CLTC: variants seen among roughly 807,000 people sequenced by gnomAD.
The protein encoded by CLTC is clathrin heavy chain, also known as clathrin heavy chain 1.
A neutral mutation model predicts 195.8 loss-of-function variants in CLTC; 16 were observed. The ratio of observed to expected loss-of-function variants is 0.08; its 90% CI spans 0.06 to 0.12. The LOEUF (loss-of-function observed/expected upper bound fraction) is 0.12, where lower values mean the gene tolerates loss of function less well. Among genes scored for constraint, CLTC ranks in the 10% least tolerant of loss-of-function variants. CLTC has a pLI of 1.00. For synonymous variants in CLTC, 667 were observed against 689.4 expected, an observed-to-expected ratio of 0.97 and a Z score of 0.51; for missense variants, 796 against 2,027.0, an observed-to-expected ratio of 0.39 and a Z score of 11.66.
chr17:59,629,523 T>TTC (rs1165204483), intron 1 of CLTC, among the ~76,000 whole-genome samples: 1 of 148,406 alleles, frequency 6.7e-6, no homozygotes, highest in East Asian at 2.0e-4. Flanking sequence ...TCATAATTTT[T>TTC]TTTTTTTTTT....
chr17:59,621,922 TTA>T (rs1567920317), intron 1 of CLTC, among the ~76,000 whole-genome samples: 1 of 152,194 alleles, frequency 6.6e-6, no homozygotes, highest in Non-Finnish European at 1.5e-5. Flanking sequence ...AGACAAATGT[TTA>T]TAAACCACAC....
Position 59,682,886 on chromosome 17 carries a change from G to C in CLTC, c.3766-21G>C, listed in dbSNP as rs928302059. ...GCCATGTTTTACATTTGAGTTCACA[G>C]AAAGGAAATGTTTATTCTAGGTCTG... On this transcript the variant is annotated intron_variant, in intron 23 of 31. Coordinates refer to ENST00000269122, the MANE Select transcript of CLTC (RefSeq NM_004859.4). This position sits in a 1 kb window ranked among gnomAD's most constrained non-coding sequence, Gnocchi z 6.8. 6.2e-7 allele frequency: 1 copy of C among 1,613,132 alleles called. No homozygotes were observed. Among genetic ancestry groups the C allele is most frequent in the Non-Finnish European group, 8.5e-7 (1 of 1,179,456 alleles).
chr17:59,686,340 T>C (rs1180207739), intron 30 of CLTC, among the ~76,000 whole-genome samples: 1 of 151,068 alleles, frequency 6.6e-6, no homozygotes, highest in Non-Finnish European at 1.5e-5. Context: ...CTTATAACAT[T>C]CACTATTCGT....
intron 30 of CLTC, chr17:59,689,283 T>G (rs2143610712): frequency 6.6e-6 from 1 of 152,242 alleles, no homozygotes; most frequent in Middle Eastern, 3.4e-3. Context: ...ATGAAACAAT[T>G]AAATATAAAA....
At position 59,651,238 on chromosome 17, in the gene CLTC, G is replaced by C. The variant is rs1429307761; in HGVS notation, c.717G>C (p.Gly239=). Residue 239 remains glycine (G), a synonymous_variant, in exon 5 of 32, where the codon GGG becomes GGC. Transcript: ENST00000269122. ...TTGAAGTTGGCACACCACCTACAGG[G>C]AACCAGCCCTTTCCAAAGAAGGCAG... ...HIIEVGTPPT[G]NQPFPKKAVD... 6.2e-7 allele frequency: 1 copy of C among 1,613,750 alleles called. No individual in the cohort carries two copies. The highest frequency in any genetic ancestry group is 1.1e-5 in the South Asian group (1 of 91,030).
intron 1 of CLTC, among the ~76,000 whole-genome samples, chr17:59,632,471 CTTA>C (rs1272271203): frequency 6.6e-6 from 1 of 151,014 alleles, no homozygotes; most frequent in Non-Finnish European, 1.5e-5. Flanking sequence ...ATTAAAAGGG[CTTA>C]GTGTTTGGAA....
intron 5 of CLTC, among the ~76,000 whole-genome samples, chr17:59,651,910 C>T (rs533167114): frequency 1.3e-5 from 2 of 152,226 alleles, no homozygotes; most frequent in South Asian, 4.1e-4. Flanking sequence ...AGCATTTTAC[C>T]CACAGTAGAT....
intron 9 of CLTC, among the ~76,000 whole-genome samples, chr17:59,664,482 C>A (rs2032679153): frequency 1.4e-5 from 2 of 145,282 alleles, no homozygotes; most frequent in Admixed American, 7.2e-5. Context: ...GCCCAGGGGG[C>A]AGAGGTTTCA....
chr17:59,620,958 A>G (rs1030812421), intron 1 of CLTC, among the ~76,000 whole-genome samples: 1 of 152,118 alleles, frequency 6.6e-6, no homozygotes, highest in Admixed American at 6.5e-5. Context: ...AGAGTGATAC[A>G]GAGGTTATCT....
At chr17:59,640,991 C>T (rs563455856) in intron 1 of CLTC, among the ~76,000 whole-genome samples, 3 of 151,450 alleles carry the variant, frequency 2.0e-5, no homozygotes, top group Non-Finnish European at 2.9e-5. Context: ...TGGTGGTGCA[C>T]GCCTGTAGTC....
At chr17:59,629,116 A>C (rs2031635614) in intron 1 of CLTC, among the ~76,000 whole-genome samples, 1 of 152,220 alleles carries the variant, frequency 6.6e-6, no homozygotes, top group Admixed American at 6.5e-5. Context: ...AAGATGAATA[A>C]TAAGGGGGAA....
At chr17:59,692,372 T>G (rs1018116872) in intron 31 of CLTC, among the ~76,000 whole-genome samples, 2 of 152,256 alleles carry the variant, frequency 1.3e-5, no homozygotes, top group Non-Finnish European at 1.5e-5. Context: ...CAGCTTTGGT[T>G]GTTAACCACA....
intron 10 of CLTC, 113 bp from the exon 11 acceptor site, chr17:59,665,986 TTAAG>T (rs2032722164): frequency 2.9e-6 from 2 of 689,082 alleles, no homozygotes; most frequent in East Asian, 5.3e-5. Flanking sequence ...AAATTTGTTC[TTAAG>T]TGTTTATATT....
chr17:59,637,986 T>TAA (rs145090759), intron 1 of CLTC, among the ~76,000 whole-genome samples: 1,337 of 132,536 alleles, frequency 0.01, 37 homozygotes, highest in Non-Finnish European at 0.013. Flanking sequence ...AAAACAAACT[T>TAA]TAAAAAAAAA....
At position 59,661,562 on chromosome 17, in the gene CLTC, A is replaced by G; in HGVS notation, c.1287A>G (p.Lys429=). The change falls in exon 8 of 32, where the codon AAA becomes AAG. Residue 429 remains lysine, a synonymous_variant. Transcript: ENST00000269122. Reference sequence around the variant, plus strand: ...TTTTGGACCAGGGACAGCTCAACAAATACGAATCCTTAGAGCTTTGTAGGC... The same window carrying G: ...TTTTGGACCAGGGACAGCTCAACAAGTACGAATCCTTAGAGCTTTGTAGGC... ...GILLDQGQLN[K]YESLELCRPV... 1 of 1,614,166 alleles carries G rather than the reference A, an allele frequency of 6.2e-7. No homozygotes were observed. The highest frequency in any genetic ancestry group is 8.5e-7 in the Non-Finnish European group (1 of 1,180,014).
intron 1 of CLTC, among the ~76,000 whole-genome samples, chr17:59,641,174 T>C (rs1177764020): frequency 6.6e-6 from 1 of 152,000 alleles, no homozygotes; most frequent in Non-Finnish European, 1.5e-5. Flanking sequence ...TGCTGGTGTT[T>C]TAACTCAAAC....
At position 59,685,887 on chromosome 17, in the gene CLTC, C is replaced by T; in HGVS notation, c.4827+79C>T. On this transcript the variant is annotated intron_variant, in intron 30 of 31. Transcript: ENST00000269122. This position sits in a 1 kb window ranked among gnomAD's most constrained non-coding sequence, Gnocchi z 5.0. Reference sequence around the variant, plus strand: ...ACATGCACATTAATTTTTTTAAATGCTTTTTTCTTTAGTAGAAGTAAGTCA... The same window carrying T: ...ACATGCACATTAATTTTTTTAAATGTTTTTTTCTTTAGTAGAAGTAAGTCA... 2 of 1,114,254 alleles carry T rather than the reference C, an allele frequency of 1.8e-6. No individual in the cohort carries two copies. The highest frequency in any genetic ancestry group is 1.6e-5 in the South Asian group (1 of 62,864). 69.0% of individuals were successfully genotyped at this position (1,114,254 alleles called of 1,614,324 possible). A position where few individuals can be genotyped will look rare whatever the true frequency, so the allele number is the denominator to read the frequency against.
Position 59,666,020 on chromosome 17 carries a change from G to A in CLTC, c.1645-83G>A. The A allele has an allele frequency of 9.6e-7, 1 of 1,038,904 alleles. No homozygotes were observed. Among genetic ancestry groups the A allele is most frequent in the Non-Finnish European group, 1.4e-6 (1 of 709,822 alleles). 64.4% of individuals were successfully genotyped at this position (1,038,904 alleles called of 1,614,324 possible). A position where few individuals can be genotyped will look rare whatever the true frequency, so the allele number is the denominator to read the frequency against. Reference sequence around the variant, plus strand: ...TATATTGTCCAAATAAAATTCTCAGGTAAAGAAAGAGTTCATGCATAATTT... The same window carrying A: ...TATATTGTCCAAATAAAATTCTCAGATAAAGAAAGAGTTCATGCATAATTT... On this transcript the variant is annotated intron_variant, in intron 10 of 31. Coordinates refer to ENST00000269122, the MANE Select transcript of CLTC (RefSeq NM_004859.4). This position sits in a 1 kb window ranked among gnomAD's most constrained non-coding sequence, Gnocchi z 4.9.
At chr17:59,656,362 G>T in intron 6 of CLTC, 1 of 162,406 alleles carries the variant, frequency 6.2e-6, no homozygotes, top group Non-Finnish European at 1.3e-5. Context: ...GATTCCCCAT[G>T]CAAAGAAACA....
Sources: gnomAD v4.1 joint callset for allele counts (sites outside exome capture counted in the v4.1 genomes callset) on GRCh38, gnomAD v4.1.1 for gene constraint, Gnocchi (gnomAD v3.1) non-coding constraint, MANE v1.5 for transcripts, NCBI Gene and HGNC (gene_info 2026-07-23, HGNC 2026-07-21) for gene names.